CDC14A: variants seen among roughly 807,000 people sequenced by gnomAD.
CDC14A encodes cell division cycle 14A.
In CDC14A, 53 loss-of-function variants were observed where a neutral mutation model predicts 74.4. The ratio of observed to expected loss-of-function variants is 0.71; its 90% CI spans 0.57 to 0.89. The LOEUF is 0.89. Ranked by LOEUF, CDC14A falls within the 40% of genes least tolerant of loss-of-function variation. CDC14A has a pLI of 0.00. For missense variants in CDC14A, 646 were observed against 713.7 expected (o/e 0.91, Z 1.08); for synonymous variants, 247 against 258.4 (o/e 0.96, Z 0.43).
intron 5 of CDC14A, among the ~76,000 whole-genome samples, chr1:100,434,792 G>C (rs1044629137): frequency 2.0e-5 from 3 of 152,116 alleles, no homozygotes; most frequent in African/African-American, 7.2e-5. Context: ...TGAGTTTGAG[G>C]CATCTTTAAG....
intron 10 of CDC14A, among the ~76,000 whole-genome samples, chr1:100,482,899 C>T (rs190400072): frequency 2.0e-5 from 3 of 152,082 alleles, no homozygotes; most frequent in South Asian, 2.1e-4. Context: ...AGGCTCCATC[C>T]GTGTTCCCAT....
intron 2 of CDC14A, among the ~76,000 whole-genome samples, chr1:100,370,337 G>T (rs185032269): frequency 6.0e-4 from 90 of 151,214 alleles, no homozygotes; most frequent in African/African-American, 2.1e-3. Flanking sequence ...GCTCAGGCTA[G>T]TCTCAAACTC....
chr1:100,484,627 T>TAA (rs373460421), intron 11 of CDC14A, 176 bp downstream of exon 11: 155 of 962,068 alleles, frequency 1.6e-4, no homozygotes, highest in Middle Eastern at 8.1e-4. Context: ...CAATTGCCCT[T>TAA]AAAAAAAAAA....
intron 3 of CDC14A, among the ~76,000 whole-genome samples, chr1:100,379,652 G>A (rs531538741): frequency 1.1e-3 from 168 of 152,312 alleles, no homozygotes; most frequent in South Asian, 2.3e-3. Context: ...ACATGTCTTA[G>A]TCTGTTTTGC....
intron 4 of CDC14A, among the ~76,000 whole-genome samples, chr1:100,395,546 C>A (rs761157743): frequency 3.3e-5 from 5 of 152,192 alleles, no homozygotes; most frequent in Non-Finnish European, 5.9e-5. Context: ...TATCACCTAG[C>A]CCAAGCCACT....
intron 15 of CDC14A, among the ~76,000 whole-genome samples, chr1:100,509,756 C>A (rs1354295153): frequency 1.3e-5 from 2 of 152,222 alleles, no homozygotes; most frequent in African/African-American, 4.8e-5. Context: ...AATGTCTAAA[C>A]AACTCAAAGG....
chr1:100,509,119 C>T (rs2101472002), intron 15 of CDC14A, among the ~76,000 whole-genome samples: 1 of 152,242 alleles, frequency 6.6e-6, no homozygotes, highest in East Asian at 1.9e-4. Flanking sequence ...CATGGCTCCT[C>T]CTACCTCTGT....
rs146280666 is a variant in CDC14A at position 100,497,160 on chromosome 1, C to T, written c.1299-925C>T. Among the ~76,000 whole-genome samples, 12 of 152,266 alleles carry T rather than the reference C, an allele frequency of 7.9e-5. No homozygotes were observed. The East Asian group carries it at 2.3e-3, about 29-fold the overall frequency. ...ATGAAACATATATTGCTTGGGAACT[C>T]AGAGAAGGCTTGCTTGATGAGGTAA... is the stretch of plus-strand genomic sequence containing the variant. On this transcript the variant is annotated intron_variant, in intron 13 of 15. Coordinates refer to ENST00000336454, the MANE Select transcript of CDC14A (RefSeq NM_003672.4).
intron 2 of CDC14A, among the ~76,000 whole-genome samples, chr1:100,355,060 A>G (rs552212600): frequency 2.2e-4 from 33 of 152,374 alleles, no homozygotes; most frequent in South Asian, 4.1e-4. Context: ...GCTGCTGCTC[A>G]TGAATGCCCA....
At chr1:100,452,012 G>A (rs555646605) in intron 7 of CDC14A, among the ~76,000 whole-genome samples, 3 of 152,236 alleles carry the variant, frequency 2.0e-5, no homozygotes, top group South Asian at 2.1e-4. Context: ...GTTGAATTGC[G>A]CTTCAAAACT....
chr1:100,390,728 C>G lies in CDC14A; in HGVS notation c.217-4C>G. 1.3e-6 allele frequency: 2 copies of G among 1,591,662 alleles called. No homozygotes were observed. Among genetic ancestry groups the G allele is most frequent in the Non-Finnish European group, 1.7e-6 (2 of 1,160,412 alleles). ...CACTAACTCTTTTTATCTCCTCTTTCTAGTCATACAGTTTGTCAAGAAAGA... is the reference window on the plus strand; with the variant it reads ...CACTAACTCTTTTTATCTCCTCTTTGTAGTCATACAGTTTGTCAAGAAAGA... On this transcript the variant is annotated splice_polypyrimidine_tract_variant and splice_region_variant and intron_variant, in intron 3 of 15. Transcript: ENST00000336454.
At chr1:100,386,426 G>T (rs1252095316) in intron 3 of CDC14A, among the ~76,000 whole-genome samples, 1 of 152,150 alleles carries the variant, frequency 6.6e-6, no homozygotes, top group Non-Finnish European at 1.5e-5. Context: ...TGAGCTTCTT[G>T]TGTAAAGCAG....
intron 10 of CDC14A, among the ~76,000 whole-genome samples, chr1:100,469,733 T>C (rs1008573208): frequency 6.6e-6 from 1 of 152,172 alleles, no homozygotes; most frequent in Non-Finnish European, 1.5e-5. Flanking sequence ...GCTCGCAAGG[T>C]GAGGAGATAT....
chr1:100,420,063 C>CACACACACACACATATAT, intron 4 of CDC14A, among the ~76,000 whole-genome samples: 6 of 61,598 alleles, frequency 9.7e-5, no homozygotes, highest in African/African-American at 2.4e-4. Flanking sequence ...CACACACACA[C>CACACACACACACATATAT]ATATATATAT....
intron 2 of CDC14A, among the ~76,000 whole-genome samples, chr1:100,359,155 A>G (rs1447718422): frequency 1.3e-5 from 2 of 152,224 alleles, no homozygotes; most frequent in Non-Finnish European, 2.9e-5. Flanking sequence ...TAGCAACAAC[A>G]ACAGCAGCAG....
chr1:100,474,604 A>T (rs1557800772), intron 10 of CDC14A, among the ~76,000 whole-genome samples: 1 of 67,514 alleles, frequency 1.5e-5, no homozygotes, highest in Non-Finnish European at 3.2e-5. Flanking sequence ...ATGTTTGTGG[A>T]GTGTGTTTTT....
At chr1:100,422,016 C>G (rs1217362421) in intron 4 of CDC14A, among the ~76,000 whole-genome samples, 1 of 152,194 alleles carries the variant, frequency 6.6e-6, no homozygotes, top group Non-Finnish European at 1.5e-5. Flanking sequence ...TGCCCAAATA[C>G]CTACCTTCAG....
chr1:100,365,343 T>C (rs1020465177), intron 2 of CDC14A, among the ~76,000 whole-genome samples: 2 of 152,198 alleles, frequency 1.3e-5, no homozygotes, highest in Admixed American at 6.5e-5. Flanking sequence ...GAACATCAAA[T>C]AGGGCAAGTA....
intron 2 of CDC14A, among the ~76,000 whole-genome samples, chr1:100,374,813 G>T (rs1320340115): frequency 6.6e-6 from 1 of 152,182 alleles, no homozygotes; most frequent in African/African-American, 2.4e-5. Flanking sequence ...TTGGAAATGT[G>T]TTGGTATTTA....
Sources: gnomAD v4.1 joint callset for allele counts (sites outside exome capture counted in the v4.1 genomes callset) on GRCh38, gnomAD v4.1.1 for gene constraint, MANE v1.5 for transcripts, NCBI Gene and HGNC (gene_info 2026-07-23, HGNC 2026-07-21) for gene names.